Variants in UTRN observed in about 807,000 individuals in gnomAD.
The protein encoded by UTRN is utrophin.
Under a neutral mutation model 463.9 loss-of-function variants are expected in UTRN, and 283 were observed. The observed-to-expected ratio is 0.61, with a 90% CI of 0.55 to 0.67. UTRN has a LOEUF of 0.67. Ranked by LOEUF, UTRN falls within the 30% of genes least tolerant of loss-of-function variation. UTRN has a pLI of 0.00. For missense variants in UTRN, 3,922 were observed against 4,084.3 expected, an observed-to-expected ratio of 0.96 and a Z score of 1.08; for synonymous variants, 1,442 against 1,431.5, an observed-to-expected ratio of 1.01 and a Z score of -0.17.
intron 2 of UTRN, among the ~76,000 whole-genome samples, chr6:144,382,520 T>C (rs1311688152): frequency 6.6e-6 from 1 of 152,228 alleles, no homozygotes; most frequent in Non-Finnish European, 1.5e-5. Context: ...TTGACCATGA[T>C]GACAGTTGGG....
At chr6:144,835,519 T>A (rs187202938) in intron 69 of UTRN, among the ~76,000 whole-genome samples, 23 of 152,304 alleles carry the variant, frequency 1.5e-4, no homozygotes, top group Admixed American at 1.5e-3. Context: ...TTTTTTCTGC[T>A]GAGTAAGATA....
chr6:144,803,525 C>T (rs889835015), intron 65 of UTRN, among the ~76,000 whole-genome samples: 1 of 151,932 alleles, frequency 6.6e-6, no homozygotes, highest in Non-Finnish European at 1.5e-5. Context: ...TAGTTCCTAA[C>T]TCTAGCTCCT....
intron 51 of UTRN, among the ~76,000 whole-genome samples, chr6:144,602,236 A>G (rs1207858708): frequency 2.0e-5 from 3 of 151,784 alleles, no homozygotes; most frequent in African/African-American, 7.3e-5. Context: ...GGTTCAAGCA[A>G]TTCTCCTGCC....
At chr6:144,804,641 GA>G (rs1777986255) in intron 65 of UTRN, among the ~76,000 whole-genome samples, 1 of 152,154 alleles carries the variant, frequency 6.6e-6, no homozygotes, top group Non-Finnish European at 1.5e-5. Flanking sequence ...AGTTCCATCA[GA>G]CCAGCTGTGT....
intron 43 of UTRN, among the ~76,000 whole-genome samples, chr6:144,536,715 A>G (rs1403995914): frequency 6.6e-6 from 1 of 152,040 alleles, no homozygotes; most frequent in African/African-American, 2.4e-5. Context: ...CAGTTTTTAA[A>G]CCAGCAGTTA....
intron 56 of UTRN, among the ~76,000 whole-genome samples, chr6:144,752,261 T>C (rs1586384475): frequency 6.6e-6 from 1 of 152,166 alleles, no homozygotes; most frequent in East Asian, 1.9e-4. Context: ...ACATAATGGC[T>C]AATAAAGGAG....
chr6:144,803,693 C>T (rs1777899714), intron 65 of UTRN, among the ~76,000 whole-genome samples: 1 of 151,864 alleles, frequency 6.6e-6, no homozygotes, highest in South Asian at 2.1e-4. Context: ...GAGTGAATTA[C>T]TACAGTTTAC....
At chr6:144,704,336 CATATT>C (rs1233130177) in intron 53 of UTRN, among the ~76,000 whole-genome samples, 27 of 152,210 alleles carry the variant, frequency 1.8e-4, no homozygotes, top group Admixed American at 1.6e-3. Flanking sequence ...TGAATATTAA[CATATT>C]ATTCTCAAGA....
At chr6:144,757,262 C>T (rs975763670) in intron 57 of UTRN, among the ~76,000 whole-genome samples, 6 of 142,016 alleles carry the variant, frequency 4.2e-5, no homozygotes, top group African/African-American at 1.5e-4. Flanking sequence ...AAAAGTACCT[C>T]AATTTAAAAA....
chr6:144,400,714 G>A (rs4400229), intron 2 of UTRN, among the ~76,000 whole-genome samples: 12 of 152,052 alleles, frequency 7.9e-5, no homozygotes, highest in African/African-American at 2.4e-4. Context: ...GAATGAATGC[G>A]GAAGTGTGTT....
At chr6:144,446,642 T>G (rs1366401778) in intron 14 of UTRN, among the ~76,000 whole-genome samples, 2 of 152,212 alleles carry the variant, frequency 1.3e-5, no homozygotes, top group Non-Finnish European at 2.9e-5. Context: ...TGAAAAATCT[T>G]TATATGGGCT....
At chr6:144,707,788 T>C (rs562600085) in intron 53 of UTRN, among the ~76,000 whole-genome samples, 90 of 152,320 alleles carry the variant, frequency 5.9e-4, no homozygotes, top group African/African-American at 1.9e-3. Context: ...ATTAGTCTAT[T>C]GACCACACTT....
intron 51 of UTRN, among the ~76,000 whole-genome samples, chr6:144,584,343 C>T (rs1449893414): frequency 1.3e-5 from 2 of 151,960 alleles, no homozygotes; most frequent in African/African-American, 4.8e-5. Flanking sequence ...TTACTTTTGT[C>T]AAAATTAGAG....
intron 51 of UTRN, among the ~76,000 whole-genome samples, chr6:144,619,313 G>A (rs1775105501): frequency 6.6e-6 from 1 of 152,046 alleles, no homozygotes; most frequent in Admixed American, 6.6e-5. Context: ...TGTTTTTTAT[G>A]CCATCAGGAT....
chr6:144,597,922 AT>A (rs1803826049), intron 51 of UTRN, among the ~76,000 whole-genome samples: 1 of 152,184 alleles, frequency 6.6e-6, no homozygotes, highest in South Asian at 2.1e-4. Context: ...TATATCTAGA[AT>A]TTTTACACTG....
At chr6:144,737,829 GTTT>G (rs10714100) in intron 54 of UTRN, among the ~76,000 whole-genome samples, 21 of 147,580 alleles carry the variant, frequency 1.4e-4, no homozygotes, top group East Asian at 5.9e-4. Context: ...CAATTGAACT[GTTT>G]TTTTTTTTTA....
intron 53 of UTRN, among the ~76,000 whole-genome samples, chr6:144,725,608 C>G (rs1787788321): frequency 6.6e-6 from 1 of 152,186 alleles, no homozygotes; most frequent in African/African-American, 2.4e-5. Context: ...CTTTGTAGCT[C>G]TGTGTACAAA....
At chr6:144,695,837 T>C (rs992848467) in intron 52 of UTRN, among the ~76,000 whole-genome samples, 2 of 152,232 alleles carry the variant, frequency 1.3e-5, no homozygotes, top group Admixed American at 1.3e-4. Flanking sequence ...GGAAATACAC[T>C]AATAAGTTCT....
chr6:144,682,382 G>A (rs571878380), intron 52 of UTRN, among the ~76,000 whole-genome samples: 1 of 152,238 alleles, frequency 6.6e-6, no homozygotes, highest in Non-Finnish European at 1.5e-5. Context: ...CCATTTATCT[G>A]TTGATGAACA....
Sources: gnomAD v4.1 joint callset for allele counts (sites outside exome capture counted in the v4.1 genomes callset) on GRCh38, gnomAD v4.1.1 for gene constraint, MANE v1.5 for transcripts, NCBI Gene and HGNC (gene_info 2026-07-23, HGNC 2026-07-21) for gene names.